Variants in ZSCAN25 observed in about 807,000 individuals in gnomAD.
ZSCAN25 encodes the protein zinc finger and SCAN domain-containing protein 25.
In ZSCAN25, 27 loss-of-function variants were observed where a neutral mutation model predicts 38.7. That is an observed-to-expected ratio of 0.70 (90% CI 0.51 to 0.96). ZSCAN25 has a LOEUF of 0.96. ZSCAN25 is among the 40% of genes least tolerant of loss of function. The pLI, the probability that ZSCAN25 is intolerant of heterozygous loss-of-function variation, is 0.00. For synonymous variants in ZSCAN25, 273 were observed against 277.7 expected, an observed-to-expected ratio of 0.98 and a Z score of 0.17; for missense variants, 637 against 705.9, an observed-to-expected ratio of 0.90 and a Z score of 1.11.
chr7:99,685,691 C>T, the ZSCAN25 span, among the ~76,000 whole-genome samples: 5 of 152,310 alleles, frequency 3.3e-5, no homozygotes, highest in African/African-American at 9.6e-5. Context: ...CAAATACACA[C>T]GTGACATCAT....
chr7:99,626,585 C>G (rs767604731), intron 7 of ZSCAN25, among the ~76,000 whole-genome samples: 1 of 152,064 alleles, frequency 6.6e-6, no homozygotes, highest in Non-Finnish European at 1.5e-5. Context: ...GTCTTAGGAT[C>G]CTGGCTAAGG....
chr7:99,691,473 T>A, the ZSCAN25 span, among the ~76,000 whole-genome samples: 1 of 152,168 alleles, frequency 6.6e-6, no homozygotes, highest in African/African-American at 2.4e-5. Flanking sequence ...GTCTCATTGA[T>A]CTGTCTAATA....
chr7:99,632,157 TG>T lies in ZSCAN25; in HGVS notation c.*2139del. On this transcript the variant is annotated 3_prime_UTR_variant, in exon 8 of 8. Transcript: ENST00000394152. ...GCTGGGCCTTGCTGACTTTCCTATC[TG>T]GCCTCTTCCCTATCTCCTGTGGGGC... is the stretch of plus-strand genomic sequence containing the variant. 1 of 985,462 alleles carries T rather than the reference TG, an allele frequency of 1.0e-6. No individual in the cohort carries two copies. Among genetic ancestry groups the T allele is most frequent in the Non-Finnish European group, 1.2e-6 (1 of 829,938 alleles). The allele number at this position is 985,462 out of a possible 1,614,324, so 61.0% of individuals were successfully genotyped here. A position where few individuals can be genotyped will look rare whatever the true frequency, so the allele number is the denominator to read the frequency against.
the ZSCAN25 span, chr7:99,705,259 A>G: frequency 2.3e-6 from 1 of 436,978 alleles, no homozygotes; most frequent in African/African-American, 2.0e-5. Flanking sequence ...TCCTATGAGA[A>G]GCAGAGAAGC....
chr7:99,619,894 C>T lies in ZSCAN25; in HGVS notation c.288C>T (p.Arg96=), dbSNP rs61737531. ...VLEQFLTILP[R]EFYAWIREHG... Reference sequence around the variant, plus strand: ...AGCAGTTCCTCACTATCCTGCCCCGCGAGTTCTACGCCTGGATCCGGGAGC... The same window carrying T: ...AGCAGTTCCTCACTATCCTGCCCCGTGAGTTCTACGCCTGGATCCGGGAGC... Residue 96 remains arginine (R), a synonymous_variant, in exon 4 of 8, where the codon CGC becomes CGT. Coordinates refer to ENST00000394152, the MANE Select transcript of ZSCAN25 (RefSeq NM_145115.3). 5.3e-3 allele frequency: 8,533 copies of T among 1,614,228 alleles called. 447 individuals carry two copies. The African/African-American group carries it at 0.1, about 19-fold the overall frequency.
the ZSCAN25 span, chr7:99,638,902 G>A: frequency 1.8e-6 from 1 of 545,126 alleles, no homozygotes. Context: ...TAAGGGCAGA[G>A]GCCCAGGCCT....
the ZSCAN25 span, among the ~76,000 whole-genome samples, chr7:99,640,236 G>A: frequency 1.3e-5 from 2 of 152,298 alleles, no homozygotes; most frequent in Admixed American, 1.3e-4. Flanking sequence ...TTGGCTTACT[G>A]CAACCTCCGC....
chr7:99,634,391 C>T (rs185367463), downstream of ZSCAN25, among the ~76,000 whole-genome samples: 34 of 152,348 alleles, frequency 2.2e-4, no homozygotes, highest in Admixed American at 1.6e-3. Flanking sequence ...CGGTGGCTCA[C>T]GCCTGTAATC....
the ZSCAN25 span, chr7:99,717,106 T>G: frequency 6.3e-7 from 1 of 1,597,886 alleles, no homozygotes; most frequent in Non-Finnish European, 8.6e-7. Context: ...ACAGCGGGAG[T>G]ATCAGCTCCA....
At chr7:99,702,381 G>A in the ZSCAN25 span, among the ~76,000 whole-genome samples, 3 of 152,126 alleles carry the variant, frequency 2.0e-5, no homozygotes, top group South Asian at 2.1e-4. Context: ...ATGAGCCACC[G>A]TGTTTGGCCA....
At chr7:99,634,946 GTAATAA>G (rs919427139), downstream of ZSCAN25, among the ~76,000 whole-genome samples, 6 of 151,996 alleles carry the variant, frequency 3.9e-5, no homozygotes, top group African/African-American at 9.6e-5. Context: ...TGTCTCAATA[GTAATAA>G]TAATAATAAT....
chr7:99,673,740 T>G, the ZSCAN25 span, among the ~76,000 whole-genome samples: 1 of 152,178 alleles, frequency 6.6e-6, no homozygotes, highest in Non-Finnish European at 1.5e-5. Flanking sequence ...GCCATGCATT[T>G]ATGAGCACAT....
At chr7:99,637,271 G>A (rs987096868), downstream of ZSCAN25, among the ~76,000 whole-genome samples, 5 of 152,104 alleles carry the variant, frequency 3.3e-5, no homozygotes, top group South Asian at 2.1e-4. Flanking sequence ...GGTCTTAGGC[G>A]TTTGTAACAA....
chr7:99,707,983 A>G, the ZSCAN25 span: 2 of 1,613,706 alleles, frequency 1.2e-6, no homozygotes, highest in East Asian at 2.2e-5. Flanking sequence ...ACCTGGTTCC[A>G]TATTGGTAGA....
At chr7:99,659,762 G>A in the ZSCAN25 span, 1 of 153,320 alleles carries the variant, frequency 6.5e-6, no homozygotes, top group African/African-American at 2.4e-5. Flanking sequence ...ACCTACTCAA[G>A]CCTTAGCAAT....
the ZSCAN25 span, chr7:99,734,968 G>A: frequency 1.2e-6 from 2 of 1,612,368 alleles, no homozygotes; most frequent in South Asian, 1.1e-5. Context: ...AGAGAGGCCT[G>A]ATTAGCACCC....
the ZSCAN25 span, chr7:99,652,672 C>A: frequency 6.2e-7 from 1 of 1,614,126 alleles, no homozygotes; most frequent in Non-Finnish European, 8.5e-7. Flanking sequence ...CAACATCTTT[C>A]TTGCAAGTCC....
the ZSCAN25 span, chr7:99,700,158 T>C: frequency 1.5e-6 from 1 of 677,828 alleles, no homozygotes; most frequent in Non-Finnish European, 2.7e-6. Flanking sequence ...GCTGCTGAAA[T>C]GTTTATGTGC....
At chr7:99,676,712 T>A in the ZSCAN25 span, 2 of 503,642 alleles carry the variant, frequency 4.0e-6, no homozygotes. Flanking sequence ...GAAATGTTTA[T>A]GCTTTTTCTT....
Sources: allele counts gnomAD v4.1 joint callset (sites outside exome capture counted in the v4.1 genomes callset), GRCh38; gene constraint gnomAD v4.1.1; transcripts MANE v1.5; gene names NCBI Gene and HGNC (gene_info 2026-07-23, HGNC 2026-07-21).